The following GUCY1A1 variants were observed in gnomAD, a reference collection of about 807,000 sequenced individuals.
GUCY1A1 encodes the protein guanylate cyclase 1 soluble subunit alpha 1.
GUCY1A1 carries 48 observed loss-of-function variants against 64.5 expected under a neutral mutation model. The ratio of observed to expected loss-of-function variants is 0.74; its 90% CI spans 0.59 to 0.95. The LOEUF is 0.95. GUCY1A1 is among the 40% of genes least tolerant of loss of function. The pLI is 0.00. For synonymous variants in GUCY1A1, 308 were observed against 303.4 expected (o/e 1.02, Z -0.16); for missense variants, 804 against 825.3 (o/e 0.97, Z 0.32).
chr4:155,701,489 A>C (rs763695657), intron 3 of GUCY1A1, among the ~76,000 whole-genome samples: 14 of 152,204 alleles, frequency 9.2e-5, no homozygotes, highest in Non-Finnish European at 1.3e-4. Context: ...TGAAAGACAA[A>C]TAAACATCTT....
chr4:155,673,774 T>G (rs565178816), intron 2 of GUCY1A1, among the ~76,000 whole-genome samples: 1 of 151,614 alleles, frequency 6.6e-6, no homozygotes, highest in Admixed American at 6.5e-5. Context: ...TCGTTTCCCC[T>G]TGTTCAATCT....
chr4:155,694,436 C>A (rs552900158), intron 2 of GUCY1A1, among the ~76,000 whole-genome samples: 10 of 152,048 alleles, frequency 6.6e-5, no homozygotes, highest in Admixed American at 3.9e-4. Flanking sequence ...ACTGGACCTG[C>A]GTAGGCTGTT....
At chr4:155,726,340 G>A (rs1290227941) in intron 9 of GUCY1A1, among the ~76,000 whole-genome samples, 1 of 151,660 alleles carries the variant, frequency 6.6e-6, no homozygotes, top group Admixed American at 6.6e-5. Context: ...TCCATATGCT[G>A]GGAAAACTTA....
Position 155,676,298 on chromosome 4 carries a change from T to TG in GUCY1A1, c.-113+8881dup, listed in dbSNP as rs201513004. On this transcript the variant is annotated intron_variant, in intron 2 of 9. Coordinates refer to ENST00000506455, the MANE Select transcript of GUCY1A1 (RefSeq NM_001130682.3). Reference sequence around the variant, plus strand: ...AAGCAAAGAATGTCCTAAGAAGAGCTGGTTTTTTTTTTTTTTTTTTTAACA... The same window carrying TG: ...AAGCAAAGAATGTCCTAAGAAGAGCTGGGTTTTTTTTTTTTTTTTTTTAACA... Among the ~76,000 whole-genome samples, 7 of 62,146 alleles carry TG rather than the reference T, an allele frequency of 1.1e-4. No individual in the cohort carries two copies. The East Asian group carries it at 3.1e-3, about 28-fold the overall frequency. 40.8% of individuals were successfully genotyped at this position (62,146 alleles called of 152,430 possible).
At chr4:155,719,731 G>T (rs1041177912) in intron 8 of GUCY1A1, among the ~76,000 whole-genome samples, 1 of 152,142 alleles carries the variant, frequency 6.6e-6, no homozygotes, top group African/African-American at 2.4e-5. Context: ...AGACCAGTGG[G>T]CTGAGTGTAA....
intron 2 of GUCY1A1, among the ~76,000 whole-genome samples, chr4:155,686,931 G>A (rs1420289526): frequency 6.6e-6 from 1 of 152,024 alleles, no homozygotes; most frequent in African/African-American, 2.4e-5. Flanking sequence ...TAATTTTTTA[G>A]TTCAATAAAA....
chr4:155,685,622 T>G (rs554982196), intron 2 of GUCY1A1, among the ~76,000 whole-genome samples: 3 of 150,766 alleles, frequency 2.0e-5, no homozygotes, highest in Admixed American at 6.6e-5. Context: ...TTTTTTTTTT[T>G]TTTTTCTCTT....
intron 7 of GUCY1A1, among the ~76,000 whole-genome samples, chr4:155,716,354 G>A (rs1007749422): frequency 6.6e-6 from 1 of 152,070 alleles, no homozygotes; most frequent in Admixed American, 6.6e-5. Flanking sequence ...TAAACATTTG[G>A]AGAAGAAGAA....
intron 2 of GUCY1A1, among the ~76,000 whole-genome samples, chr4:155,682,824 G>A (rs1277297836): frequency 1.3e-5 from 2 of 151,894 alleles, no homozygotes; most frequent in East Asian, 3.9e-4. Flanking sequence ...AATTATAAAT[G>A]GATCTACTGA....
At chr4:155,703,078 T>A (rs987524397) in intron 3 of GUCY1A1, among the ~76,000 whole-genome samples, 1 of 151,962 alleles carries the variant, frequency 6.6e-6, no homozygotes, top group East Asian at 1.9e-4. Context: ...TGGACAACAC[T>A]GCTTATCAAT....
intron 2 of GUCY1A1, among the ~76,000 whole-genome samples, chr4:155,670,956 C>G (rs1257602976): frequency 6.6e-6 from 1 of 152,066 alleles, no homozygotes; most frequent in Non-Finnish European, 1.5e-5. Flanking sequence ...CTAGGTCCAG[C>G]CTATCTATTT....
rs1312711165 is a variant in GUCY1A1 at position 155,733,005 on chromosome 4, T to A, written c.*2774T>A. 6.6e-6 allele frequency among the ~76,000 whole-genome samples: 1 copy of A among 151,922 alleles called. No homozygotes were observed. Among genetic ancestry groups the A allele is most frequent in the Non-Finnish European group, 1.5e-5 (1 of 67,888 alleles). ...AGAATTAAAATGTTTCTTTCCATTTTGCTTTGTTTTTCTATATCGATCTAG... is the reference window on the plus strand; with the variant it reads ...AGAATTAAAATGTTTCTTTCCATTTAGCTTTGTTTTTCTATATCGATCTAG... On this transcript the variant is annotated 3_prime_UTR_variant, in exon 10 of 10. Transcript: ENST00000506455.
chr4:155,713,158 G>C lies in GUCY1A1; in HGVS notation c.1147G>C (p.Gly383Arg), dbSNP rs1732797855. 1 of 1,613,666 alleles carries C rather than the reference G, an allele frequency of 6.2e-7. No homozygotes were observed. Among genetic ancestry groups the C allele is most frequent in the Admixed American group, 1.7e-5 (1 of 60,006 alleles). ...IVESSAILFL[G>R]SPCVDRLEDF... ...TGAATCCAGTGCAATCTTGTTTTTG[G>C]GGTCACCCTGTGTGGACAGATTAGA... Residue 383 changes from glycine to arginine, a missense_variant, in exon 7 of 10, where the codon GGG (glycine) becomes CGG (arginine). Transcript: ENST00000506455.
At chr4:155,708,025 G>T (rs1732030209) in intron 4 of GUCY1A1, among the ~76,000 whole-genome samples, 1 of 152,080 alleles carries the variant, frequency 6.6e-6, no homozygotes, top group Admixed American at 6.5e-5. Flanking sequence ...TTTTAGCAGA[G>T]ATGGGGTTTC....
At chr4:155,669,244 T>C (rs1733788555) in intron 2 of GUCY1A1, among the ~76,000 whole-genome samples, 1 of 152,030 alleles carries the variant, frequency 6.6e-6, no homozygotes, top group Admixed American at 6.6e-5. Flanking sequence ...TATATTTATA[T>C]TTATAAGGTA....
intron 3 of GUCY1A1, among the ~76,000 whole-genome samples, chr4:155,700,462 C>T (rs888615497): frequency 3.3e-5 from 5 of 152,058 alleles, no homozygotes; most frequent in Non-Finnish European, 5.9e-5. Flanking sequence ...ATCCATAAAC[C>T]ACACCAATGA....
intron 6 of GUCY1A1, among the ~76,000 whole-genome samples, chr4:155,712,551 GA>G (rs927713649): frequency 8.0e-5 from 12 of 150,904 alleles, no homozygotes; most frequent in African/African-American, 1.7e-4. Context: ...TCTCACGACA[GA>G]AAAAAAAATT....
Position 155,717,248 on chromosome 4 carries a change from G to C in GUCY1A1, c.1662G>C (p.Leu554=). The C allele has an allele frequency of 6.3e-7, 1 of 1,599,818 alleles. No individual in the cohort carries two copies. Among genetic ancestry groups the C allele is most frequent in the Non-Finnish European group, 8.5e-7 (1 of 1,171,268 alleles). The change falls in exon 8 of 10, where the codon CTG becomes CTC. Residue 554 remains leucine (L), a synonymous_variant. Transcript: ENST00000506455. ...CTGTTCAGATAGCGCTGATGGCCCTGAAGATGATGGAGCTCTCTGATGAAG... is the reference window on the plus strand; with the variant it reads ...CTGTTCAGATAGCGCTGATGGCCCTCAAGATGATGGAGCTCTCTGATGAAG... ...THAVQIALMA[L]KMMELSDEVM...
At chr4:155,715,583 A>T (rs1418750765) in intron 7 of GUCY1A1, among the ~76,000 whole-genome samples, 2 of 152,192 alleles carry the variant, frequency 1.3e-5, no homozygotes, top group Non-Finnish European at 2.9e-5. Context: ...TGACGAAGGG[A>T]TGCAGTATGC....
Sources: gnomAD v4.1 joint callset for allele counts (sites outside exome capture counted in the v4.1 genomes callset) on GRCh38, gnomAD v4.1.1 for gene constraint, MANE v1.5 for transcripts, NCBI Gene and HGNC (gene_info 2026-07-23, HGNC 2026-07-21) for gene names.